The following ERFE variants were observed in gnomAD, a reference collection of about 807,000 sequenced individuals.
The protein encoded by ERFE is erythroferrone, also known as complement C1q tumor necrosis factor-related protein 15.
Under a neutral mutation model 26.6 loss-of-function variants are expected in ERFE, and 25 were observed. The observed-to-expected ratio is 0.94, with a 90% CI of 0.69 to 1.31. The LOEUF (loss-of-function observed/expected upper bound fraction) is 1.31. ERFE is among the 40% of genes most tolerant of loss of function. The probability of loss-of-function intolerance (pLI) is 0.00; values close to 1 mark genes in which losing one functional copy is unlikely to be tolerated. For missense variants in ERFE, 447 were observed against 440.2 expected (o/e 1.02, Z -0.14); for synonymous variants, 206 against 204.5 (o/e 1.01, Z -0.06).
Position 238,165,697 on chromosome 2 carries a change from G to A in ERFE, c.966+13G>A. On this transcript the variant is annotated intron_variant, in intron 7 of 7. Transcript: ENST00000546354. The stretch of plus-strand genomic sequence containing the variant: ...CCTGTACCTGCAGGTGAGTGCGGCA[G>A]GCTTGGGCATCGAGGGGCACCGCCT... The A allele has an allele frequency of 6.5e-7, 1 of 1,545,256 alleles. No individual in the cohort carries two copies. The highest frequency in any genetic ancestry group is 8.8e-7 in the Non-Finnish European group (1 of 1,142,840).
chr2:238,168,534 C>G lies in ERFE; in HGVS notation c.*1480C>G. The G allele has an allele frequency of 4.4e-6, 2 of 450,484 alleles. No homozygotes were observed. Among genetic ancestry groups the G allele is most frequent in the Non-Finnish European group, 9.2e-6 (2 of 216,640 alleles). 27.9% of individuals were successfully genotyped at this position (450,484 alleles called of 1,614,324 possible). A position where few individuals can be genotyped will look rare whatever the true frequency, so the allele number is the denominator to read the frequency against. On this transcript the variant is annotated 3_prime_UTR_variant, in exon 8 of 8. Coordinates refer to ENST00000546354, the MANE Select transcript of ERFE (RefSeq NM_001291832.2). ...ACCAGGCCCGAATGATCCCCAGGAG[C>G]CCAGCTTCCAAACCCCAACATCGAA...
Position 238,162,739 on chromosome 2 carries a change from G to C in ERFE, c.325G>C (p.Gly109Arg). The C allele has an allele frequency of 6.5e-7, 1 of 1,545,342 alleles. No individual in the cohort carries two copies. The highest frequency in any genetic ancestry group is 8.8e-7 in the Non-Finnish European group (1 of 1,142,230). Residue 109 changes from glycine (G) to arginine (R), a missense_variant, in exon 3 of 8, where the codon GGC becomes CGC. Transcript: ENST00000546354. ...SRGKAKKLKF[G>R]LPGPPGPPGP... ...CACTGCCAAGGTTCCCTTTCAGTTC[G>C]GCTTGCCAGGGCCCCCTGGGCCTCC...
Position 238,168,664 on chromosome 2 carries a change from G to A in ERFE, c.*1610G>A. Reference sequence around the variant, plus strand: ...GTAGGACTCACACCCACCCTACCTAGAAGTACTGGGCTGGCCTGGGTACTG... The same window carrying A: ...GTAGGACTCACACCCACCCTACCTAAAAGTACTGGGCTGGCCTGGGTACTG... On this transcript the variant is annotated 3_prime_UTR_variant, in exon 8 of 8. Transcript: ENST00000546354. The A allele has an allele frequency of 8.5e-6, 3 of 352,646 alleles. No homozygotes were observed. The highest frequency in any genetic ancestry group is 1.7e-5 in the Non-Finnish European group (3 of 176,242). 21.8% of individuals were successfully genotyped at this position (352,646 alleles called of 1,614,324 possible).
At chr2:238,161,145 T>A (rs961472678) in intron 1 of ERFE, among the ~76,000 whole-genome samples, 2 of 151,900 alleles carry the variant, frequency 1.3e-5, no homozygotes, top group Admixed American at 6.6e-5. Context: ...CAGAGGAGGG[T>A]TGGCTAGTAG....
At chr2:238,166,807 G>A (rs1693043672) in intron 7 of ERFE, 149 bp from the exon 8 acceptor site, 2 of 672,094 alleles carry the variant, frequency 3.0e-6, no homozygotes, top group Non-Finnish European at 5.1e-6. Context: ...CCCTTGCTCT[G>A]TGACCTTGGC....
intron 1 of ERFE, among the ~76,000 whole-genome samples, chr2:238,160,663 A>T (rs1692925227): frequency 6.6e-6 from 1 of 152,078 alleles, no homozygotes. Context: ...CCAGCTCCCA[A>T]AAGAAGGCCC....
rs569749959 is a variant in ERFE, at chr2:238,168,158, G to C, written c.*1104G>C. On this transcript the variant is annotated 3_prime_UTR_variant, in exon 8 of 8. Transcript: ENST00000546354. The stretch of plus-strand genomic sequence containing the variant: ...GGTCCCAAGCCTGCTGTGCTCCTGT[G>C]GCAGTGATGGGGCCTGGGGATGGGG... 3.4e-6 allele frequency: 1 copy of C among 292,112 alleles called. No individual in the cohort carries two copies. The highest frequency in any genetic ancestry group is 3.1e-5 in the South Asian group (1 of 32,680). The allele number at this position is 292,112 out of a possible 1,614,324, so 18.1% of individuals were successfully genotyped here.
chr2:238,164,804 T>C (rs113894160), intron 6 of ERFE: 26,783 of 187,058 alleles, frequency 0.14, 2,406 homozygotes, highest in Middle Eastern at 0.22. Flanking sequence ...TGAGCAGAGA[T>C]AGCGCCACTG....
In ERFE at chr2:238,159,075, C is replaced by T. The variant is rs1692897022; in HGVS notation, c.68C>T (p.Ala23Val). 4.4e-6 allele frequency: 1 copy of T among 226,396 alleles called. No individual in the cohort carries two copies. The highest frequency in any genetic ancestry group is 5.8e-5 in the Admixed American group (1 of 17,302). The allele number at this position is 226,396 out of a possible 1,614,324, so 14.0% of individuals were successfully genotyped here. Residue 23 changes from alanine (A) to valine (V), a missense_variant, in exon 1 of 8, where the codon GCC becomes GTC. Ala to Val is a moderately conservative substitution (Grantham distance 64). Coordinates refer to ENST00000546354, the MANE Select transcript of ERFE (RefSeq NM_001291832.2). ...LLVYAGLLAA[A>V]AAGLGSPEPG... ...GTCTACGCGGGCCTGCTGGCCGCCG[C>T]CGCCGCGGGCCTGGGGTCCCCGGAG...
rs577105570 is a variant in ERFE at position 238,167,000 on chromosome 2, C to T, written c.1011C>T (p.Cys337=). Residue 337 remains cysteine, a synonymous_variant, in exon 8 of 8, where the codon TGC becomes TGT. Transcript: ENST00000546354. ...TSVFLDNASG[C]SLTVRSGSHF... is the part of the protein sequence containing the mutation. ...TGTTCTTGGACAACGCCAGCGGCTGCTCCCTCACAGTGCGCAGTGGCTCCC... is the reference window on the plus strand; with the variant it reads ...TGTTCTTGGACAACGCCAGCGGCTGTTCCCTCACAGTGCGCAGTGGCTCCC... The T allele has an allele frequency of 6.4e-7, 1 of 1,550,568 alleles. No homozygotes were observed. The highest frequency in any genetic ancestry group is 8.7e-7 in the Non-Finnish European group (1 of 1,147,014).
rs1464961462 is a variant in ERFE, at chr2:238,159,039, G to T, written c.32G>T (p.Arg11Leu). 3.9e-6 allele frequency: 1 copy of T among 259,424 alleles called. No individual in the cohort carries two copies. Among genetic ancestry groups the T allele is most frequent in the Non-Finnish European group, 7.2e-6 (1 of 139,332 alleles). 16.1% of individuals were successfully genotyped at this position (259,424 alleles called of 1,614,324 possible). A position where few individuals can be genotyped will look rare whatever the true frequency, so the allele number is the denominator to read the frequency against. Residue 11 changes from arginine (R) to leucine (L), a missense_variant, in exon 1 of 8, where the codon CGC (arginine) becomes CTC (leucine). Physicochemically the swap from Arg to Leu is moderately radical, Grantham distance 102. Transcript: ENST00000546354. ...CCGGCCCGCCGCCCCGCCGGAGCCC[G>T]CCTGCTGCTCGTCTACGCGGGCCTG... MAPARRPAGARLLLVYAGLLA... is the reference protein window; with the variant it reads MAPARRPAGALLLLVYAGLLA...
rs1293192107 is a variant in ERFE at position 238,163,748 on chromosome 2, C to T, written c.436C>T (p.Gln146Ter). The change falls in exon 4 of 8, where the codon CAG (glutamine) becomes TAG (stop). Residue 146 changes from glutamine (Q) to a stop codon, truncating the protein, a stop_gained. Coordinates refer to ENST00000546354, the MANE Select transcript of ERFE (RefSeq NM_001291832.2). LOFTEE classifies it high-confidence loss of function. ...FQLLLKGAVRQRERAEPEPCT... is the reference protein window; with the variant it reads ...FQLLLKGAVR ...TCGCTCTGTGCCAGGTGCGGTGCGG[C>T]AGCGGGAGCGCGCGGAGCCCGAACC... The T allele has an allele frequency of 4.5e-6, 6 of 1,346,710 alleles. No individual in the cohort carries two copies. The African/African-American group carries it at 7.7e-5, about 17-fold the overall frequency. 83.4% of individuals were successfully genotyped at this position (1,346,710 alleles called of 1,614,324 possible). A position where few individuals can be genotyped will look rare whatever the true frequency, so the allele number is the denominator to read the frequency against.
intron 2 of ERFE, among the ~76,000 whole-genome samples, chr2:238,162,200 C>T (rs1200442955): frequency 6.6e-6 from 1 of 152,244 alleles, no homozygotes; most frequent in Non-Finnish European, 1.5e-5. Context: ...CCAGTATCAC[C>T]TGCCTGGGAT....
At chr2:238,165,485 G>A (rs1319900620) in intron 6 of ERFE, 121 bp from the exon 7 acceptor site, 1 of 762,064 alleles carries the variant, frequency 1.3e-6, no homozygotes, top group Non-Finnish European at 2.2e-6. Context: ...TCCACTGGAA[G>A]ACCTGGCCAG....
At position 238,168,824 on chromosome 2, in the gene ERFE, TTTTCTC is replaced by T. The variant is rs1160808531; in HGVS notation, c.*1771_*1776del. 3.3e-5 allele frequency: 1 copy of T among 30,276 alleles called. No homozygotes were observed. Among genetic ancestry groups the T allele is most frequent in the African/African-American group, 4.1e-4 (1 of 2,426 alleles). The allele number at this position is 30,276 out of a possible 1,614,324, so 1.9% of individuals were successfully genotyped here. A position where few individuals can be genotyped will look rare whatever the true frequency, so the allele number is the denominator to read the frequency against. ...AGCCACATATCCACATCTCTTTCAT[TTTTCTC>T]AGTGTGTTATGCAGCAATTTATTAA... is the stretch of plus-strand genomic sequence containing the variant. On this transcript the variant is annotated 3_prime_UTR_variant, in exon 8 of 8. Coordinates refer to ENST00000546354, the MANE Select transcript of ERFE (RefSeq NM_001291832.2).
At chr2:238,160,269 C>G (rs1175765579) in intron 1 of ERFE, among the ~76,000 whole-genome samples, 1 of 152,198 alleles carries the variant, frequency 6.6e-6, no homozygotes, top group Non-Finnish European at 1.5e-5. Context: ...TGCCCAATAC[C>G]CACCCCCATT....
intron 7 of ERFE, 80 bp from the exon 8 acceptor site, chr2:238,166,876 G>T: frequency 8.6e-7 from 1 of 1,160,180 alleles, no homozygotes; most frequent in Non-Finnish European, 1.2e-6. Flanking sequence ...TGGGCAGGAG[G>T]GAGTGTGGCT....
Position 238,167,466 on chromosome 2 carries a change from C to T in ERFE, c.*412C>T, listed in dbSNP as rs1693060932. The T allele has an allele frequency of 2.1e-6, 1 of 474,402 alleles. No homozygotes were observed. Among genetic ancestry groups the T allele is most frequent in the Non-Finnish European group, 4.2e-6 (1 of 239,168 alleles). The allele number at this position is 474,402 out of a possible 1,614,324, so 29.4% of individuals were successfully genotyped here. The stretch of plus-strand genomic sequence containing the variant: ...GAGTGCAAAGTGCACCAGCCAGGGC[C>T]CCTACCTGGGAGAGGGTCAGCTGAC... On this transcript the variant is annotated 3_prime_UTR_variant, in exon 8 of 8. Coordinates refer to ENST00000546354, the MANE Select transcript of ERFE (RefSeq NM_001291832.2).
rs577278471 is a variant in ERFE, at chr2:238,162,656, A to G, written c.322-80A>G. 1,392 of 906,562 alleles carry G rather than the reference A, an allele frequency of 1.5e-3. 1 individual carries two copies. Among genetic ancestry groups the G allele is most frequent in the Non-Finnish European group, 1.8e-3 (1,013 of 559,372 alleles). 56.2% of individuals were successfully genotyped at this position (906,562 alleles called of 1,614,324 possible). Reference sequence around the variant, plus strand: ...TGGGGAGCTCTGTTGCCTGCCTCTTAGTGGCAAGAGCTTGCACAGGGGATG... The same window carrying G: ...TGGGGAGCTCTGTTGCCTGCCTCTTGGTGGCAAGAGCTTGCACAGGGGATG... On this transcript the variant is annotated intron_variant, in intron 2 of 7. Coordinates refer to ENST00000546354, the MANE Select transcript of ERFE (RefSeq NM_001291832.2).
Sources: allele counts gnomAD v4.1 joint callset (sites outside exome capture counted in the v4.1 genomes callset), GRCh38; gene constraint gnomAD v4.1.1; transcripts MANE v1.5; gene names NCBI Gene and HGNC (gene_info 2026-07-23, HGNC 2026-07-21).